Variants in WWOX observed in about 807,000 individuals in gnomAD.
WWOX encodes the protein WW domain-containing oxidoreductase.
Under a neutral mutation model 46.2 loss-of-function variants are expected in WWOX, and 69 were observed. The observed-to-expected ratio is 1.49, with a 90% CI of 1.23 to 1.82. The LOEUF (loss-of-function observed/expected upper bound fraction) is 1.82. Among genes scored for constraint, WWOX ranks in the 40% most tolerant of loss-of-function variants. WWOX has a pLI of 0.00. For synonymous variants in WWOX, 359 were observed against 202.6 expected, an observed-to-expected ratio of 1.77 and a Z score of -6.56; for missense variants, 919 against 542.6, an observed-to-expected ratio of 1.69 and a Z score of -6.89.
At chr16:78,146,842 A>G (rs183402247) in intron 4 of WWOX, among the ~76,000 whole-genome samples, 134 of 152,338 alleles carry the variant, frequency 8.8e-4, no homozygotes, top group Non-Finnish European at 2.9e-4. Context: ...GCATCCTGGC[A>G]TGTGAAAGAA....
chr16:78,517,648 C>T (rs1401093824), intron 8 of WWOX, among the ~76,000 whole-genome samples: 2 of 152,112 alleles, frequency 1.3e-5, no homozygotes, highest in South Asian at 2.1e-4. Flanking sequence ...TCAGCGCTCC[C>T]CGCAATCCAT....
chr16:78,862,851 G>GA (rs2043920778), intron 8 of WWOX, among the ~76,000 whole-genome samples: 1 of 151,970 alleles, frequency 6.6e-6, no homozygotes, highest in Admixed American at 6.6e-5. Context: ...ATGTCCTCCA[G>GA]AAACGCCTTC....
At chr16:78,783,887 G>GTGA (rs112486785) in intron 8 of WWOX, among the ~76,000 whole-genome samples, 106,855 of 151,084 alleles carry the variant, frequency 0.71, 38,132 homozygotes, top group African/African-American at 0.79. Context: ...GATGATAATG[G>GTGA]TGATGATGGT....
At chr16:78,448,790 T>A (rs2083619578) in intron 8 of WWOX, among the ~76,000 whole-genome samples, 1 of 152,206 alleles carries the variant, frequency 6.6e-6, no homozygotes, top group African/African-American at 2.4e-5. Flanking sequence ...ACCAGAGTGT[T>A]GCCTTCCTTT....
chr16:78,392,248 G>A (rs919745788), intron 6 of WWOX, among the ~76,000 whole-genome samples: 8 of 152,184 alleles, frequency 5.3e-5, no homozygotes, highest in African/African-American at 1.4e-4. Flanking sequence ...AACAGCATTA[G>A]TCTCATAGGA....
At chr16:78,741,881 G>T (rs910845750) in intron 8 of WWOX, among the ~76,000 whole-genome samples, 2 of 152,188 alleles carry the variant, frequency 1.3e-5, no homozygotes, top group African/African-American at 4.8e-5. Flanking sequence ...ACAACATAAA[G>T]TAAGATGTTA....
intron 8 of WWOX, among the ~76,000 whole-genome samples, chr16:79,099,819 G>A (rs764946267): frequency 1.3e-5 from 2 of 152,164 alleles, no homozygotes; most frequent in Non-Finnish European, 2.9e-5. Context: ...GGATCATTCA[G>A]GGTTAAATCA....
chr16:78,721,072 T>C (rs1455644542), intron 8 of WWOX, among the ~76,000 whole-genome samples: 2 of 152,234 alleles, frequency 1.3e-5, no homozygotes, highest in Admixed American at 1.3e-4. Flanking sequence ...TTATTGGTGA[T>C]CACTTGTAGA....
chr16:78,468,271 T>C (rs1180276385), intron 8 of WWOX, among the ~76,000 whole-genome samples: 2 of 151,778 alleles, frequency 1.3e-5, no homozygotes, highest in South Asian at 2.1e-4. Flanking sequence ...TTTCTTTTTT[T>C]TTTTTTTTTT....
At chr16:78,941,376 G>A (rs948366358) in intron 8 of WWOX, among the ~76,000 whole-genome samples, 2 of 151,942 alleles carry the variant, frequency 1.3e-5, no homozygotes, top group Admixed American at 1.3e-4. Flanking sequence ...TGGAAGCTCC[G>A]TGGCCATTGC....
chr16:78,940,049 C>T (rs908363116), intron 8 of WWOX, among the ~76,000 whole-genome samples: 6 of 152,146 alleles, frequency 3.9e-5, no homozygotes, highest in African/African-American at 9.7e-5. Context: ...TAAAAATAAA[C>T]GTTACTTTCA....
intron 8 of WWOX, among the ~76,000 whole-genome samples, chr16:79,000,122 T>C (rs764384085): frequency 6.6e-6 from 1 of 152,188 alleles, no homozygotes; most frequent in Non-Finnish European, 1.5e-5. Flanking sequence ...ACCATTTGAC[T>C]GCTGCTCCTT....
At chr16:78,302,122 G>A (rs894204605) in intron 5 of WWOX, among the ~76,000 whole-genome samples, 17 of 151,666 alleles carry the variant, frequency 1.1e-4, no homozygotes, top group Admixed American at 6.6e-4. Flanking sequence ...CACCATGCCC[G>A]GCTAACTTTT....
chr16:78,516,673 G>A (rs1213183970), intron 8 of WWOX, among the ~76,000 whole-genome samples: 1 of 152,130 alleles, frequency 6.6e-6, no homozygotes, highest in African/African-American at 2.4e-5. Context: ...CGTGCCTGCA[G>A]GGTATATACT....
chr16:78,490,442 G>C lies in WWOX; in HGVS notation c.1056+57690G>C, dbSNP rs1170162741. Among the ~76,000 whole-genome samples the C allele has an allele frequency of 2.0e-5, 3 of 152,316 alleles. No individual in the cohort carries two copies. In the East Asian group the frequency reaches 5.8e-4, roughly 29 times the overall value. On this transcript the variant is annotated intron_variant, in intron 8 of 8. Coordinates refer to ENST00000566780, the MANE Select transcript of WWOX (RefSeq NM_016373.4). ...GACTCCTTTGGTGCTCGTAATTGGT[G>C]AAATTCTCTTGTGATCATTGTTGTA...
chr16:78,578,523 C>G (rs562051175), intron 8 of WWOX, among the ~76,000 whole-genome samples: 2 of 151,568 alleles, frequency 1.3e-5, no homozygotes, highest in African/African-American at 4.8e-5. Flanking sequence ...CTCCTGGCCT[C>G]GTGATTCACC....
intron 8 of WWOX, among the ~76,000 whole-genome samples, chr16:78,684,485 C>G (rs1246388599): frequency 6.6e-6 from 1 of 152,136 alleles, no homozygotes; most frequent in African/African-American, 2.4e-5. Context: ...TCCTCTCCAC[C>G]CCACCCATTT....
chr16:78,382,115 C>T (rs937267738), intron 5 of WWOX, among the ~76,000 whole-genome samples: 2 of 152,100 alleles, frequency 1.3e-5, no homozygotes, highest in African/African-American at 4.8e-5. Context: ...AGGAGTTGGC[C>T]TGAAACAAGC....
intron 8 of WWOX, among the ~76,000 whole-genome samples, chr16:78,584,047 C>A (rs1465000395): frequency 6.6e-6 from 1 of 152,168 alleles, no homozygotes; most frequent in Non-Finnish European, 1.5e-5. Flanking sequence ...CCTGTCCCTT[C>A]TTTTTGTGAT....
Sources: gnomAD v4.1 joint callset for allele counts (sites outside exome capture counted in the v4.1 genomes callset) on GRCh38, gnomAD v4.1.1 for gene constraint, MANE v1.5 for transcripts, NCBI Gene and HGNC (gene_info 2026-07-23, HGNC 2026-07-21) for gene names.